The following CHSY3 variants were observed in gnomAD, a reference collection of about 807,000 sequenced individuals.
CHSY3 encodes the protein chondroitin sulfate synthase 3, also known as N-acetylgalactosaminyl-proteoglycan 3-beta-glucuronosyltransferase 3.
In CHSY3, 35 loss-of-function variants were observed where a neutral mutation model predicts 67.2. The observed-to-expected ratio is 0.52, with a 90% CI of 0.40 to 0.69. The LOEUF is 0.69. Ranked by LOEUF, CHSY3 falls within the 30% of genes least tolerant of loss-of-function variation. CHSY3 has a pLI of 0.00. For missense variants in CHSY3, 1,069 were observed against 1,138.5 expected, an observed-to-expected ratio of 0.94 and a Z score of 0.88; for synonymous variants, 474 against 434.7, an observed-to-expected ratio of 1.09 and a Z score of -1.12.
rs540111261 is a variant in CHSY3 at position 129,946,061 on chromosome 5, G to A, written c.1086+37701G>A. 5.3e-5 allele frequency among the ~76,000 whole-genome samples: 8 copies of A among 152,248 alleles called. No homozygotes were observed. In the East Asian group the frequency reaches 1.5e-3, roughly 29 times the overall value. ...TGAATAGCAGCACAGAAGCACAACT[G>A]CACTAGGTGAAGTACAGTGAGGGTG... On this transcript the variant is annotated intron_variant, in intron 2 of 2. Transcript: ENST00000305031.
intron 2 of CHSY3, among the ~76,000 whole-genome samples, chr5:130,147,495 A>G (rs151196899): frequency 1.5e-4 from 23 of 152,350 alleles, no homozygotes; most frequent in Middle Eastern, 3.4e-3. Context: ...ATGAACTTCC[A>G]GTCAAAGAGG....
intron 2 of CHSY3, among the ~76,000 whole-genome samples, chr5:129,962,851 AGTT>A (rs2149608679): frequency 6.6e-6 from 1 of 152,140 alleles, no homozygotes; most frequent in Non-Finnish European, 1.5e-5. Context: ...CAGAAGAGCC[AGTT>A]GACTCTATGA....
chr5:129,974,030 T>A (rs914959250), intron 2 of CHSY3, among the ~76,000 whole-genome samples: 1 of 152,142 alleles, frequency 6.6e-6, no homozygotes, highest in Admixed American at 6.6e-5. Context: ...CTTAATAGAT[T>A]GACCACCTCT....
At chr5:129,959,412 T>A (rs1762268285) in intron 2 of CHSY3, among the ~76,000 whole-genome samples, 1 of 152,132 alleles carries the variant, frequency 6.6e-6, no homozygotes, top group African/African-American at 2.4e-5. Flanking sequence ...TGATTTATGA[T>A]TTGCATCTTG....
At chr5:130,110,155 C>T (rs1767545648) in intron 2 of CHSY3, among the ~76,000 whole-genome samples, 1 of 151,750 alleles carries the variant, frequency 6.6e-6, no homozygotes, top group South Asian at 2.1e-4. Flanking sequence ...AAAAAGTATG[C>T]TCTAGAACCT....
At chr5:130,123,104 C>G (rs1379490728) in intron 2 of CHSY3, among the ~76,000 whole-genome samples, 3 of 151,402 alleles carry the variant, frequency 2.0e-5, no homozygotes, top group Admixed American at 6.6e-5. Flanking sequence ...TTAAATAGAG[C>G]CATTAGTTAA....
At chr5:130,022,905 A>G (rs1248801182) in intron 2 of CHSY3, among the ~76,000 whole-genome samples, 1 of 152,010 alleles carries the variant, frequency 6.6e-6, no homozygotes, top group Non-Finnish European at 1.5e-5. Context: ...AAAATGTGAA[A>G]TTTAATTCAC....
chr5:129,949,929 T>G (rs551018025), intron 2 of CHSY3, among the ~76,000 whole-genome samples: 1 of 152,096 alleles, frequency 6.6e-6, no homozygotes, highest in East Asian at 1.9e-4. Flanking sequence ...TTTGGGAGGC[T>G]GAGGGGGGTG....
chr5:130,178,245 A>ATTTT (rs1185737384), intron 2 of CHSY3, among the ~76,000 whole-genome samples: 9 of 70,546 alleles, frequency 1.3e-4, no homozygotes, highest in African/African-American at 5.6e-4. Context: ...ATATATATAT[A>ATTTT]TATATATATT....
chr5:130,158,642 T>G (rs114929565), intron 2 of CHSY3, among the ~76,000 whole-genome samples: 1,640 of 152,250 alleles, frequency 0.011, 22 homozygotes, highest in African/African-American at 0.036. Flanking sequence ...CAAGGGAGAA[T>G]GAATTTTCTA....
chr5:130,163,750 T>C (rs1172785544), intron 2 of CHSY3, among the ~76,000 whole-genome samples: 1 of 152,116 alleles, frequency 6.6e-6, no homozygotes, highest in Non-Finnish European at 1.5e-5. Context: ...ATAACTAAGC[T>C]AGCTAACTAA....
chr5:130,151,750 A>T (rs1291687894), intron 2 of CHSY3, among the ~76,000 whole-genome samples: 1 of 152,174 alleles, frequency 6.6e-6, no homozygotes, highest in Non-Finnish European at 1.5e-5. Flanking sequence ...CAGTATCATG[A>T]GAACATCATG....
intron 2 of CHSY3, among the ~76,000 whole-genome samples, chr5:130,000,296 A>G (rs979144458): frequency 2.0e-5 from 3 of 152,240 alleles, no homozygotes; most frequent in Non-Finnish European, 4.4e-5. Context: ...ACTTTGTAGC[A>G]GGTACAAATA....
intron 2 of CHSY3, among the ~76,000 whole-genome samples, chr5:129,925,118 G>A (rs1050245548): frequency 5.3e-5 from 8 of 152,162 alleles, no homozygotes; most frequent in Admixed American, 3.9e-4. Flanking sequence ...GATTAAATGC[G>A]GAGGCCACTT....
At chr5:130,142,451 C>T (rs771837732) in intron 2 of CHSY3, among the ~76,000 whole-genome samples, 21 of 152,112 alleles carry the variant, frequency 1.4e-4, no homozygotes, top group Non-Finnish European at 2.5e-4. Context: ...TGAAACCTCG[C>T]TTTTTGGAAA....
chr5:130,126,998 A>G (rs1223575124), intron 2 of CHSY3, among the ~76,000 whole-genome samples: 2 of 152,190 alleles, frequency 1.3e-5, no homozygotes, highest in Non-Finnish European at 2.9e-5. Context: ...ACCAAGTGAA[A>G]CATCTTTCAG....
rs368376211 is a variant in CHSY3, at chr5:130,099,292, T to A, written c.1087-84937T>A. On this transcript the variant is annotated intron_variant, in intron 2 of 2. Coordinates refer to ENST00000305031, the MANE Select transcript of CHSY3 (RefSeq NM_175856.5). ...CCAAACAGATCTTTCTTTGAGAGAA[T>A]ATTTGGAAGGCAATGCTTTCCATTC... 1.7e-4 allele frequency among the ~76,000 whole-genome samples: 26 copies of A among 152,366 alleles called. No individual in the cohort carries two copies. The East Asian group carries it at 2.1e-3, about 12-fold the overall frequency.
rs183397652 is a variant in CHSY3, at chr5:129,995,557, G to A, written c.1086+87197G>A. Among the ~76,000 whole-genome samples, 277 of 149,878 alleles carry A rather than the reference G, an allele frequency of 1.8e-3. 3 individuals are homozygous for A. The highest frequency in any genetic ancestry group is 6.4e-3 in the African/African-American group (261 of 40,676). On this transcript the variant is annotated intron_variant, in intron 2 of 2. Transcript: ENST00000305031. ...AGAGTCTCACTCTGTTGCCCAGGCT[G>A]GAGTGCAGTGGCTGTGTACTTTTAA...
Position 130,053,256 on chromosome 5 carries a change from AG to A in CHSY3, c.1087-130972del, listed in dbSNP as rs1292124513. On this transcript the variant is annotated intron_variant, in intron 2 of 2. Transcript: ENST00000305031. ...AAAAACTAGGATGTAATAGATTTTAAGTAACAAACAGAAAATATAGACAATG... is the reference window on the plus strand; with the variant it reads ...AAAAACTAGGATGTAATAGATTTTAATAACAAACAGAAAATATAGACAATG... 1.3e-4 allele frequency among the ~76,000 whole-genome samples: 20 copies of A among 152,186 alleles called. 1 individual carries two copies. Among genetic ancestry groups the A allele is most frequent in the Admixed American group, 1.2e-3 (18 of 15,268 alleles).
Sources: gnomAD v4.1 joint callset for allele counts (sites outside exome capture counted in the v4.1 genomes callset) on GRCh38, gnomAD v4.1.1 for gene constraint, MANE v1.5 for transcripts, NCBI Gene and HGNC (gene_info 2026-07-23, HGNC 2026-07-21) for gene names.